KALRN: variants seen among roughly 807,000 people sequenced by gnomAD.
KALRN encodes kalirin RhoGEF kinase.
A neutral mutation model predicts 353.7 loss-of-function variants in KALRN; 70 were observed. The ratio of observed to expected loss-of-function variants is 0.20; its 90% CI spans 0.16 to 0.24. The LOEUF is 0.24. Among genes scored for constraint, KALRN ranks in the 10% least tolerant of loss-of-function variants. The probability of loss-of-function intolerance (pLI) is 1.00; values close to 1 mark genes in which losing one functional copy is unlikely to be tolerated. For synonymous variants in KALRN, 1,391 were observed against 1,434.8 expected, an observed-to-expected ratio of 0.97 and a Z score of 0.69; for missense variants, 2,791 against 3,756.7, an observed-to-expected ratio of 0.74 and a Z score of 6.72.
At chr3:124,471,512 C>A (rs1364474440) in intron 25 of KALRN, among the ~76,000 whole-genome samples, 1 of 151,836 alleles carries the variant, frequency 6.6e-6, no homozygotes, top group Non-Finnish European at 1.5e-5. Flanking sequence ...GAACTCCTGA[C>A]CTCAGGTGAT....
intron 33 of KALRN, among the ~76,000 whole-genome samples, chr3:124,528,097 C>G (rs1323239785): frequency 6.6e-6 from 1 of 152,162 alleles, no homozygotes; most frequent in African/African-American, 2.4e-5. Context: ...TGGCTACTTC[C>G]TCCTGATTCC....
intron 1 of KALRN, among the ~76,000 whole-genome samples, chr3:124,178,758 T>C (rs750138556): frequency 1.4e-4 from 22 of 152,222 alleles, no homozygotes; most frequent in Non-Finnish European, 2.4e-4. Context: ...CACATTACTG[T>C]ACACTACCAG....
At chr3:124,266,175 G>A (rs1179483914) in intron 4 of KALRN, among the ~76,000 whole-genome samples, 3 of 151,898 alleles carry the variant, frequency 2.0e-5, no homozygotes, top group Non-Finnish European at 4.4e-5. Context: ...ATACGATGAA[G>A]CCAGGAAAAG....
At chr3:124,561,607 C>T (rs896125217) in intron 33 of KALRN, among the ~76,000 whole-genome samples, 2 of 152,176 alleles carry the variant, frequency 1.3e-5, no homozygotes, top group Non-Finnish European at 2.9e-5. Context: ...GAAATGGCTA[C>T]ACAACATATT....
chr3:124,384,644 G>T, intron 10 of KALRN: 1 of 481,932 alleles, frequency 2.1e-6, no homozygotes, highest in Non-Finnish European at 3.7e-6. Flanking sequence ...GGGTGGATGA[G>T]GCACCTAGCT....
At chr3:124,597,502 G>A (rs969174301) in intron 34 of KALRN, among the ~76,000 whole-genome samples, 7 of 152,188 alleles carry the variant, frequency 4.6e-5, no homozygotes, top group East Asian at 1.9e-4. Context: ...TTCTCACTGC[G>A]TGCTAAAGAG....
intron 2 of KALRN, 25 bp from the exon 3 acceptor site, chr3:124,234,804 A>C (rs1019130652): frequency 5.2e-6 from 8 of 1,536,964 alleles, no homozygotes; most frequent in African/African-American, 1.4e-5. Flanking sequence ...TTTCTTAAAC[A>C]CTCTTCTCTT....
intron 59 of KALRN, 42 bp from the exon 60 acceptor site, chr3:124,718,883 A>G: frequency 6.3e-7 from 1 of 1,589,460 alleles, no homozygotes; most frequent in Non-Finnish European, 8.6e-7. Flanking sequence ...ATAGAGGCCT[A>G]AACTTCCCTT....
chr3:124,304,127 A>ACACACAC (rs2077486510), intron 6 of KALRN, among the ~76,000 whole-genome samples: 1 of 147,390 alleles, frequency 6.8e-6, no homozygotes, highest in Non-Finnish European at 1.5e-5. Context: ...TTTTGTTGTA[A>ACACACAC]ACACACACAC....
intron 33 of KALRN, among the ~76,000 whole-genome samples, chr3:124,511,206 GCTTA>G (rs2065866240): frequency 6.6e-6 from 1 of 151,922 alleles, no homozygotes; most frequent in Non-Finnish European, 1.5e-5. Flanking sequence ...TTGCCATGTT[GCTTA>G]GCATAAAGCT....
intron 1 of KALRN, among the ~76,000 whole-genome samples, chr3:124,104,882 A>G (rs1441376292): frequency 1.3e-5 from 2 of 152,192 alleles, no homozygotes; most frequent in African/African-American, 4.8e-5. Context: ...GGGGCCAAAC[A>G]TTCTAGACAG....
At chr3:124,219,765 G>C (rs1273056072) in intron 1 of KALRN, among the ~76,000 whole-genome samples, 1 of 152,048 alleles carries the variant, frequency 6.6e-6, no homozygotes, top group East Asian at 1.9e-4. Flanking sequence ...GGAAGACTGT[G>C]GGGGGTTGGC....
At chr3:124,072,957 C>T (rs1399742496) in intron 1 of KALRN, among the ~76,000 whole-genome samples, 1 of 152,246 alleles carries the variant, frequency 6.6e-6, no homozygotes, top group Non-Finnish European at 1.5e-5. Flanking sequence ...TCCATCCCAT[C>T]ATGGCCTGCT....
At chr3:124,287,414 T>G (rs367812613) in intron 5 of KALRN, among the ~76,000 whole-genome samples, 1 of 151,902 alleles carries the variant, frequency 6.6e-6, no homozygotes, top group East Asian at 1.9e-4. Context: ...TCAGCCTCCT[T>G]ACCAGTCCCT....
At position 124,188,528 on chromosome 3, in the gene KALRN, A is replaced by G. The variant is rs116689687; in HGVS notation, c.74-39462A>G. 6.9e-3 allele frequency among the ~76,000 whole-genome samples: 1,044 copies of G among 152,342 alleles called. 8 individuals are homozygous for G. The highest frequency in any genetic ancestry group is 0.011 in the Non-Finnish European group (768 of 68,028). ...CCAGATTACTCACTTAATTACATTT[A>G]TCTTCAGCGTCTCTTGTAATGTGCC... On this transcript the variant is annotated intron_variant, in intron 1 of 59. Transcript: ENST00000682506.
chr3:124,302,562 CTGTTT>C (rs1392658100), intron 6 of KALRN, among the ~76,000 whole-genome samples: 2 of 152,162 alleles, frequency 1.3e-5, no homozygotes, highest in East Asian at 1.9e-4. Flanking sequence ...CTTACCTGTT[CTGTTT>C]TATTTTCACA....
At chr3:124,560,289 C>G (rs1022626850) in intron 33 of KALRN, among the ~76,000 whole-genome samples, 1 of 152,272 alleles carries the variant, frequency 6.6e-6, no homozygotes, top group African/African-American at 2.4e-5. Flanking sequence ...CAAGTTGCAT[C>G]CCCAGCTATG....
chr3:124,582,447 G>A (rs1374047888), intron 34 of KALRN, among the ~76,000 whole-genome samples: 2 of 152,152 alleles, frequency 1.3e-5, no homozygotes, highest in African/African-American at 4.8e-5. Flanking sequence ...TCAGGGAGAT[G>A]GCAGTAGCAG....
At chr3:124,368,835 G>A (rs1001057691) in intron 10 of KALRN, among the ~76,000 whole-genome samples, 9 of 152,180 alleles carry the variant, frequency 5.9e-5, no homozygotes, top group East Asian at 5.8e-4. Context: ...CGAGGCTGGC[G>A]GATCACTCGC....
Sources: gnomAD v4.1 joint callset for allele counts (sites outside exome capture counted in the v4.1 genomes callset) on GRCh38, gnomAD v4.1.1 for gene constraint, MANE v1.5 for transcripts, NCBI Gene and HGNC (gene_info 2026-07-23, HGNC 2026-07-21) for gene names.